Variants in DDX31 observed in about 807,000 individuals in gnomAD.
DDX31 encodes DEAD-box helicase 31.
A neutral mutation model predicts 91.3 loss-of-function variants in DDX31; 70 were observed. The observed-to-expected ratio is 0.77, with a 90% CI of 0.63 to 0.94. The LOEUF (loss-of-function observed/expected upper bound fraction) is 0.94. DDX31 is among the 40% of genes least tolerant of loss of function. The probability of loss-of-function intolerance (pLI) is 0.00; values close to 1 mark genes in which losing one functional copy is unlikely to be tolerated. For missense variants in DDX31, 902 were observed against 925.0 expected, an observed-to-expected ratio of 0.98 and a Z score of 0.32; for synonymous variants, 362 against 350.6, an observed-to-expected ratio of 1.03 and a Z score of -0.36.
chr9:132,614,368 CACAGAGCCCCACTAGAT>C (rs1394215684), intron 18 of DDX31, among the ~76,000 whole-genome samples: 1 of 151,920 alleles, frequency 6.6e-6, no homozygotes. Flanking sequence ...GTTTGGAGTA[CACAGAGCCCCACTAGAT>C]ACAGAGCCCC....
intron 6 of DDX31, among the ~76,000 whole-genome samples, chr9:132,656,719 A>C (rs181415910): frequency 2.0e-5 from 3 of 152,352 alleles, no homozygotes; most frequent in African/African-American, 7.2e-5. Context: ...TGGATCTATG[A>C]AATTAGAGTT....
chr9:132,611,073 G>A (rs373014880), intron 19 of DDX31, among the ~76,000 whole-genome samples: 305 of 152,320 alleles, frequency 2.0e-3, no homozygotes, highest in African/African-American at 6.6e-3. Flanking sequence ...GGTCCTTCCC[G>A]GTGAACAGGC....
At chr9:132,632,743 G>C (rs1832872857) in intron 14 of DDX31, among the ~76,000 whole-genome samples, 1 of 152,062 alleles carries the variant, frequency 6.6e-6, no homozygotes, top group Non-Finnish European at 1.5e-5. Context: ...TCAGGTAGCT[G>C]GATTAGAATA....
intron 8 of DDX31, among the ~76,000 whole-genome samples, chr9:132,650,796 C>T (rs1415540955): frequency 1.3e-5 from 2 of 152,198 alleles, no homozygotes; most frequent in African/African-American, 4.8e-5. Flanking sequence ...ACTGGATCAC[C>T]ATCAGGCTGT....
At chr9:132,605,636 AAC>A (rs1294396349) in intron 19 of DDX31, among the ~76,000 whole-genome samples, 2 of 152,102 alleles carry the variant, frequency 1.3e-5, no homozygotes, top group Non-Finnish European at 2.9e-5. Context: ...CTGCCACCAC[AAC>A]AGACCAGGGC....
intron 17 of DDX31, among the ~76,000 whole-genome samples, chr9:132,620,303 G>A (rs1452044966): frequency 6.6e-6 from 1 of 151,848 alleles, no homozygotes; most frequent in African/African-American, 2.4e-5. Flanking sequence ...AGTGACAGGT[G>A]ACTTGCTTCT....
Position 132,642,009 on chromosome 9 carries a change from AAAG to A in DDX31, c.1432_1434del (p.Leu478del), listed in dbSNP as rs1156614859. ...GAACACAGGAGGATACGTACCGTGC[AAAG>A]AAGGACGCCTCTTCTGGAATGTGAA... On this transcript the variant is annotated inframe_deletion, in exon 14 of 20. Transcript: ENST00000372159. 5 of 1,614,144 alleles carry A rather than the reference AAAG, an allele frequency of 3.1e-6. No individual in the cohort carries two copies. The highest frequency in any genetic ancestry group is 4.2e-6 in the Non-Finnish European group (5 of 1,179,946).
chr9:132,662,253 G>A lies in DDX31; in HGVS notation c.408+8C>T, dbSNP rs752849844. 1.2e-6 allele frequency: 2 copies of A among 1,614,038 alleles called. No individual in the cohort carries two copies. The highest frequency in any genetic ancestry group is 2.2e-5 in the South Asian group (2 of 91,068). On this transcript the variant is annotated splice_region_variant and intron_variant, in intron 3 of 19. Transcript: ENST00000372159. ...AAACTGACCCAGAAAACACTGAAAG[G>A]TACTTACTAAATGTGGGTGGAGGCC...
intron 12 of DDX31, among the ~76,000 whole-genome samples, chr9:132,646,405 C>G (rs1318732272): frequency 6.6e-6 from 1 of 152,172 alleles, no homozygotes; most frequent in Non-Finnish European, 1.5e-5. Flanking sequence ...CCTACATATG[C>G]AGAAAACCTT....
chr9:132,666,578 C>A (rs534240239), intron 1 of DDX31, among the ~76,000 whole-genome samples: 1 of 152,252 alleles, frequency 6.6e-6, no homozygotes, highest in Non-Finnish European at 1.5e-5. Context: ...AGCTGGAGTG[C>A]AGTGATCTCT....
At chr9:132,619,564 G>A (rs898278374) in intron 17 of DDX31, among the ~76,000 whole-genome samples, 1 of 152,192 alleles carries the variant, frequency 6.6e-6, no homozygotes, top group African/African-American at 2.4e-5. Context: ...TCTCTGGATC[G>A]ACGTTCATCT....
At chr9:132,622,516 T>TA (rs1483103277) in intron 17 of DDX31, among the ~76,000 whole-genome samples, 1 of 152,236 alleles carries the variant, frequency 6.6e-6, no homozygotes, top group Non-Finnish European at 1.5e-5. Flanking sequence ...CCTGCCCTTC[T>TA]ACAGCTTCCC....
rs28728379 is a variant in DDX31, at chr9:132,669,044, G to C, written c.75+816C>G. On this transcript the variant is annotated intron_variant, in intron 1 of 19. Transcript: ENST00000372159. ...TCTAAACACCTGGGATGGATACAAA[G>C]AAAATGCTCAGGTTAAGATAAAAGA... 5.3e-3 allele frequency among the ~76,000 whole-genome samples: 813 copies of C among 152,262 alleles called. 9 individuals are homozygous for C. The highest frequency in any genetic ancestry group is 0.018 in the African/African-American group (762 of 41,548).
Position 132,625,760 on chromosome 9 carries a change from G to A in DDX31, c.1632-15C>T. Reference sequence around the variant, plus strand: ...TCTCAGAAACGCTGTAAAAGGAAGGGCACAGCAAGGTAACTTTTTGCTCTT... The same window carrying A: ...TCTCAGAAACGCTGTAAAAGGAAGGACACAGCAAGGTAACTTTTTGCTCTT... On this transcript the variant is annotated splice_polypyrimidine_tract_variant and intron_variant, in intron 16 of 19. Transcript: ENST00000372159. 1.2e-6 allele frequency: 2 copies of A among 1,608,150 alleles called. No homozygotes were observed. Among genetic ancestry groups the A allele is most frequent in the Non-Finnish European group, 1.7e-6 (2 of 1,176,846 alleles).
At chr9:132,633,758 C>CT (rs1364015691) in intron 14 of DDX31, among the ~76,000 whole-genome samples, 2 of 152,090 alleles carry the variant, frequency 1.3e-5, no homozygotes, top group African/African-American at 4.8e-5. Flanking sequence ...CTTTAATGAA[C>CT]TTTGATACTT....
chr9:132,612,322 C>A lies in DDX31; in HGVS notation c.1826-67G>T, dbSNP rs762870849. 2.7e-5 allele frequency: 43 copies of A among 1,582,522 alleles called. No homozygotes were observed. In the African/African-American group the frequency reaches 5.2e-4, roughly 19 times the overall value. Reference sequence around the variant, plus strand: ...GGTCTCCAAGCTCCAAAGTGCCCGGCCTAATGGTTATCTTCTGTACTTTAT... The same window carrying A: ...GGTCTCCAAGCTCCAAAGTGCCCGGACTAATGGTTATCTTCTGTACTTTAT... On this transcript the variant is annotated intron_variant, in intron 18 of 19. Transcript: ENST00000372159.
intron 19 of DDX31, among the ~76,000 whole-genome samples, chr9:132,600,745 C>T (rs1054950520): frequency 2.6e-5 from 4 of 152,206 alleles, no homozygotes; most frequent in African/African-American, 9.7e-5. Context: ...GCAGGAACTT[C>T]AGATGGCAGG....
At chr9:132,612,430 T>G in intron 18 of DDX31, 175 bp from the exon 19 acceptor site, 2 of 645,518 alleles carry the variant, frequency 3.1e-6, no homozygotes, top group Non-Finnish European at 5.2e-6. Flanking sequence ...TTTCTTCAAT[T>G]CCTAAACAAC....
intron 19 of DDX31, among the ~76,000 whole-genome samples, chr9:132,606,149 T>C (rs1046201100): frequency 3.3e-5 from 5 of 152,172 alleles, no homozygotes; most frequent in Admixed American, 3.3e-4. Context: ...TCTCCAAGTG[T>C]GGTTTCGTCC....
Sources: gnomAD v4.1 joint callset for allele counts (sites outside exome capture counted in the v4.1 genomes callset) on GRCh38, gnomAD v4.1.1 for gene constraint, MANE v1.5 for transcripts, NCBI Gene and HGNC (gene_info 2026-07-23, HGNC 2026-07-21) for gene names.